LMX1B: variants seen among roughly 807,000 people sequenced by gnomAD.
LMX1B encodes LIM homeobox transcription factor 1-beta.
Under a neutral mutation model 51.4 loss-of-function variants are expected in LMX1B, and 12 were observed. The observed-to-expected ratio is 0.23, with a 90% CI of 0.15 to 0.38. LMX1B has a LOEUF of 0.38. LMX1B is among the 10% of genes least tolerant of loss of function. The pLI is 1.00. For synonymous variants in LMX1B, 237 were observed against 235.4 expected, an observed-to-expected ratio of 1.01 and a Z score of -0.06; for missense variants, 445 against 571.1, an observed-to-expected ratio of 0.78 and a Z score of 2.25.
intron 2 of LMX1B, among the ~76,000 whole-genome samples, chr9:126,627,514 A>G (rs1416404219): frequency 6.6e-6 from 1 of 151,940 alleles, no homozygotes; most frequent in Non-Finnish European, 1.5e-5. Context: ...TGGTGCTGGG[A>G]GCCCTGCTTG....
Position 126,693,746 on chromosome 9 carries a change from A to G in LMX1B, c.820A>G (p.Met274Val). ...GGCCTGAACTGCGCTCTCCCTGCAG[A>G]TGAAGAAGCTGGCGCGGCGGCACCA... ...QVWFQNQRAK[M>V]KKLARRHQQQ... The change falls in exon 6 of 8, where the codon ATG becomes GTG. Residue 274 changes from methionine (M) to valine (V), a missense_variant and splice_region_variant. By Grantham distance (21) the Met-to-Val change is conservative (BLOSUM62 1). This residue lies in a region of LMX1B where 162 missense variants were observed against 187.8 expected (regional missense o/e 0.86). Coordinates refer to ENST00000373474, the MANE Select transcript of LMX1B (RefSeq NM_001174147.2). 2 of 1,560,178 alleles carry G rather than the reference A, an allele frequency of 1.3e-6. No individual in the cohort carries two copies. The highest frequency in any genetic ancestry group is 1.2e-5 in the South Asian group (1 of 85,556).
At position 126,617,434 on chromosome 9, in the gene LMX1B, C is replaced by T. The variant is rs1163995764; in HGVS notation, c.326+1865C>T. On this transcript the variant is annotated intron_variant, in intron 2 of 7. Transcript: ENST00000373474. ...TAATATATTGAAAAGACTTATGAAT[C>T]GCGTGTACATATTCTGCCCTCCCCC... Among the ~76,000 whole-genome samples the T allele has an allele frequency of 2.6e-5, 4 of 151,654 alleles. 1 individual carries two copies. The highest frequency in any genetic ancestry group is 4.9e-5 in the African/African-American group (2 of 41,222).
At chr9:126,652,007 G>C (rs1190412819) in intron 2 of LMX1B, among the ~76,000 whole-genome samples, 2 of 151,844 alleles carry the variant, frequency 1.3e-5, no homozygotes, top group Non-Finnish European at 2.9e-5. Flanking sequence ...AGATGGGGGG[G>C]GGCCTGCCTG....
chr9:126,670,328 G>A (rs1836425738), intron 2 of LMX1B, among the ~76,000 whole-genome samples: 1 of 152,254 alleles, frequency 6.6e-6, no homozygotes, highest in Non-Finnish European at 1.5e-5. Flanking sequence ...CAGCAGTTGT[G>A]CGTGCATGTA....
At position 126,697,645 on chromosome 9, in the gene LMX1B, A is replaced by G. The variant is rs972251806; in HGVS notation, c.*1194A>G. ...ACCTTCCCACTGATGTCAGCCGGCC[A>G]GAAGTGAGCAGGCACATCACCTCTC... On this transcript the variant is annotated 3_prime_UTR_variant, in exon 8 of 8. Coordinates refer to ENST00000373474, the MANE Select transcript of LMX1B (RefSeq NM_001174147.2). 6.6e-6 allele frequency: 1 copy of G among 152,362 alleles called. No homozygotes were observed. Among genetic ancestry groups the G allele is most frequent in the African/African-American group, 2.4e-5 (1 of 41,454 alleles). The allele number at this position is 152,362 out of a possible 1,614,324, so 9.4% of individuals were successfully genotyped here.
At chr9:126,680,933 G>T (rs1836658496) in intron 2 of LMX1B, among the ~76,000 whole-genome samples, 1 of 152,112 alleles carries the variant, frequency 6.6e-6, no homozygotes, top group African/African-American at 2.4e-5. Context: ...CAGAAACGAT[G>T]CAGGGAAGGA....
At chr9:126,621,439 G>A (rs1835407582) in intron 2 of LMX1B, among the ~76,000 whole-genome samples, 1 of 152,338 alleles carries the variant, frequency 6.6e-6, no homozygotes, top group East Asian at 1.9e-4. Flanking sequence ...AGTCAGAAGT[G>A]GAGAGACGGT....
chr9:126,669,216 G>A (rs1836402231), intron 2 of LMX1B, among the ~76,000 whole-genome samples: 1 of 149,106 alleles, frequency 6.7e-6, no homozygotes, highest in Non-Finnish European at 1.5e-5. Flanking sequence ...TGCCTGGATG[G>A]TGAGGCTGAA....
intron 2 of LMX1B, among the ~76,000 whole-genome samples, chr9:126,678,321 A>C (rs1289280159): frequency 1.5e-5 from 2 of 129,806 alleles, no homozygotes; most frequent in Admixed American, 7.2e-5. Flanking sequence ...AAAAAAAAAA[A>C]CAAAAAACAA....
chr9:126,628,846 C>T (rs1328450818), intron 2 of LMX1B, among the ~76,000 whole-genome samples: 1 of 152,118 alleles, frequency 6.6e-6, no homozygotes, highest in Non-Finnish European at 1.5e-5. Flanking sequence ...AGAGCACAGC[C>T]AAGCGGGGAG....
At chr9:126,665,204 C>T (rs1210287365) in intron 2 of LMX1B, among the ~76,000 whole-genome samples, 3 of 152,228 alleles carry the variant, frequency 2.0e-5, no homozygotes. Flanking sequence ...GAGCTAGCTG[C>T]TGGCTGAGCC....
chr9:126,620,077 C>T (rs1835378864), intron 2 of LMX1B, among the ~76,000 whole-genome samples: 1 of 152,138 alleles, frequency 6.6e-6, no homozygotes, highest in Non-Finnish European at 1.5e-5. Context: ...CTCTTCTCAC[C>T]ATGAGCATGG....
chr9:126,621,373 C>T (rs1835407052), intron 2 of LMX1B, among the ~76,000 whole-genome samples: 1 of 152,228 alleles, frequency 6.6e-6, no homozygotes, highest in Non-Finnish European at 1.5e-5. Flanking sequence ...CAACCAGATT[C>T]TGTGCTGATG....
At chr9:126,661,532 C>T (rs984970302) in intron 2 of LMX1B, among the ~76,000 whole-genome samples, 9 of 152,150 alleles carry the variant, frequency 5.9e-5, no homozygotes, top group African/African-American at 2.2e-4. Context: ...AATGGGCCAG[C>T]CCCGGAGGCC....
At chr9:126,619,031 T>C (rs967135524) in intron 2 of LMX1B, among the ~76,000 whole-genome samples, 1 of 152,062 alleles carries the variant, frequency 6.6e-6, no homozygotes, top group African/African-American at 2.4e-5. Flanking sequence ...GACACAGACT[T>C]CAGGGCTCCG....
At chr9:126,645,606 G>A (rs1369233474) in intron 2 of LMX1B, among the ~76,000 whole-genome samples, 1 of 152,170 alleles carries the variant, frequency 6.6e-6, no homozygotes, top group Non-Finnish European at 1.5e-5. Context: ...GAAGTCAACA[G>A]TGTAGATCCC....
rs1203561822 is a variant in LMX1B, at chr9:126,671,138, C to T, written c.327-19698C>T. On this transcript the variant is annotated intron_variant, in intron 2 of 7. Coordinates refer to ENST00000373474, the MANE Select transcript of LMX1B (RefSeq NM_001174147.2). This position sits in a 1 kb window ranked among gnomAD's most constrained non-coding sequence, Gnocchi z 4.4. The stretch of plus-strand genomic sequence containing the variant: ...TTGGCACCCAGGCACAGCCCCATGC[C>T]CAGCTCACCAGCCGTTGGCAGGAAT... Among the ~76,000 whole-genome samples, 1 of 152,178 alleles carries T rather than the reference C, an allele frequency of 6.6e-6. No homozygotes were observed. The highest frequency in any genetic ancestry group is 1.5e-5 in the Non-Finnish European group (1 of 68,032).
chr9:126,656,386 G>GATAT (rs1472806137), intron 2 of LMX1B, among the ~76,000 whole-genome samples: 1 of 43,080 alleles, frequency 2.3e-5, no homozygotes, highest in Non-Finnish European at 5.3e-5. Context: ...CTGGTCTTTA[G>GATAT]ATAGATAGAT....
intron 2 of LMX1B, among the ~76,000 whole-genome samples, chr9:126,640,577 C>A (rs775264327): frequency 6.6e-6 from 1 of 152,224 alleles, no homozygotes; most frequent in Non-Finnish European, 1.5e-5. Flanking sequence ...CCCAAGTTCC[C>A]AGGCCAAGGG....
Sources: gnomAD v4.1 joint callset for allele counts (sites outside exome capture counted in the v4.1 genomes callset) on GRCh38, gnomAD v4.1.1 for gene constraint, gnomAD v4.1.1 regional missense constraint, Gnocchi (gnomAD v3.1) non-coding constraint, MANE v1.5 for transcripts, NCBI Gene and HGNC (gene_info 2026-07-23, HGNC 2026-07-21) for gene names.